CCDC171: variants seen among roughly 807,000 people sequenced by gnomAD.
CCDC171 encodes the protein coiled-coil domain-containing protein 171.
A neutral mutation model predicts 168.2 loss-of-function variants in CCDC171; 177 were observed. That is an observed-to-expected ratio of 1.05 (90% CI 0.93 to 1.19). The LOEUF (loss-of-function observed/expected upper bound fraction) is 1.19. Among genes scored for constraint, CCDC171 ranks in the 50% most tolerant of loss-of-function variants. The pLI is 0.00. For missense variants in CCDC171, 1,991 were observed against 1,539.0 expected, an observed-to-expected ratio of 1.29 and a Z score of -4.91; for synonymous variants, 687 against 540.8, an observed-to-expected ratio of 1.27 and a Z score of -3.75.
Position 15,695,298 on chromosome 9 carries a change from A to C in CCDC171, c.1279A>C (p.Ile427Leu). Residue 427 changes from isoleucine to leucine, a missense_variant, in exon 11 of 26, where the codon ATC (isoleucine) becomes CTC (leucine). Ile to Leu is a conservative substitution (Grantham distance 5). Coordinates refer to ENST00000380701, the MANE Select transcript of CCDC171 (RefSeq NM_173550.4). ...AAATAACGTGAAAGAATTGGAATCG[A>C]TCTTGGACAGCTTTACTGTGTCGGG... ...CENNVKELES[I>L]LDSFTVSGQW... 6.2e-7 allele frequency: 1 copy of C among 1,614,134 alleles called. No homozygotes were observed. Among genetic ancestry groups the C allele is most frequent in the Non-Finnish European group, 8.5e-7 (1 of 1,179,986 alleles).
intron 6 of CCDC171, among the ~76,000 whole-genome samples, chr9:15,598,855 T>TA (rs1181213333): frequency 6.6e-6 from 1 of 152,202 alleles, no homozygotes; most frequent in East Asian, 1.9e-4. Flanking sequence ...CATATATATT[T>TA]AGGATAGTTA....
intron 24 of CCDC171, among the ~76,000 whole-genome samples, chr9:15,885,329 T>G (rs1819243857): frequency 1.3e-5 from 2 of 152,226 alleles, no homozygotes; most frequent in Admixed American, 1.3e-4. Flanking sequence ...ATAATTTCTT[T>G]GTCATTAATG....
chr9:15,610,134 CTTAAT>C (rs1056275131), intron 6 of CCDC171, among the ~76,000 whole-genome samples: 18 of 151,740 alleles, frequency 1.2e-4, no homozygotes, highest in African/African-American at 4.4e-4. Flanking sequence ...TTTGTAATGT[CTTAAT>C]TTAACTCTTT....
intron 21 of CCDC171, among the ~76,000 whole-genome samples, chr9:15,791,896 A>C (rs538964946): frequency 1.1e-4 from 17 of 152,324 alleles, no homozygotes; most frequent in Admixed American, 2.6e-4. Context: ...GAAAAGCTGA[A>C]AATTCTAAAA....
At chr9:15,574,434 C>T (rs1273738702) in intron 3 of CCDC171, among the ~76,000 whole-genome samples, 4 of 151,896 alleles carry the variant, frequency 2.6e-5, no homozygotes, top group African/African-American at 9.7e-5. Context: ...TGAGCCACCG[C>T]GCCTGGCCAA....
intron 6 of CCDC171, among the ~76,000 whole-genome samples, chr9:15,604,226 T>A (rs564009679): frequency 1.2e-4 from 19 of 152,322 alleles, no homozygotes; most frequent in African/African-American, 4.6e-4. Context: ...ATAGTTTATT[T>A]TGCTGTGCAG....
At position 16,023,945 on chromosome 9, in the gene CCDC171, T is replaced by G. The variant is rs902885936; in HGVS notation, n.998+1037T>G. 3.3e-5 allele frequency among the ~76,000 whole-genome samples: 5 copies of G among 149,932 alleles called. No individual in the cohort carries two copies. In the Middle Eastern group the frequency reaches 0.01, roughly 306 times the overall value. ...GAATCTTGACATGGGGAGATTATCC[T>G]GGAATATGTGTGTGGCTCTAATGTA... On this transcript the variant is annotated intron_variant and non_coding_transcript_variant, in intron 6 of 9. Coordinates refer to the CCDC171 transcript ENST00000486641.
At chr9:15,904,869 A>G (rs2131698380) in intron 24 of CCDC171, among the ~76,000 whole-genome samples, 1 of 151,900 alleles carries the variant, frequency 6.6e-6, no homozygotes, top group South Asian at 2.1e-4. Flanking sequence ...AGGGGTTGCA[A>G]TCCTAGTCTC....
chr9:15,988,045 C>T (rs1483211062), intron 3 of CCDC171, among the ~76,000 whole-genome samples: 1 of 152,112 alleles, frequency 6.6e-6, no homozygotes, highest in African/African-American at 2.4e-5. Context: ...GTAAACAATC[C>T]TTTTGTTATA....
At chr9:15,659,255 G>C (rs2048147524) in intron 8 of CCDC171, among the ~76,000 whole-genome samples, 1 of 152,204 alleles carries the variant, frequency 6.6e-6, no homozygotes, top group Non-Finnish European at 1.5e-5. Flanking sequence ...GGATCAGCCA[G>C]TTTCCCAGGT....
intron 24 of CCDC171, 138 bp from the exon 25 acceptor site, chr9:15,920,132 G>C (rs1438314076): frequency 1.0e-5 from 5 of 497,810 alleles, no homozygotes; most frequent in African/African-American, 2.0e-5. Flanking sequence ...AAAATGTTAG[G>C]TTTAGCTTTA....
At chr9:16,080,287 A>G in the CCDC171 span, among the ~76,000 whole-genome samples, 2,536 of 152,198 alleles carry the variant, frequency 0.017, 85 homozygotes, top group African/African-American at 0.059. Context: ...AGTGATCGCT[A>G]ATCATTTTAT....
chr9:15,752,005 A>T (rs957781143), intron 18 of CCDC171, among the ~76,000 whole-genome samples: 1 of 152,236 alleles, frequency 6.6e-6, no homozygotes, highest in Non-Finnish European at 1.5e-5. Context: ...TTTGCAATTT[A>T]TCCATCTGAC....
chr9:15,578,408 T>TATC, intron 3 of CCDC171, among the ~76,000 whole-genome samples: 1 of 3,500 alleles, frequency 2.9e-4, no homozygotes. Flanking sequence ...TTAATTTTTG[T>TATC]ATTATTATTA....
intron 1 of CCDC171, among the ~76,000 whole-genome samples, chr9:16,052,957 T>C (rs779234047): frequency 1.3e-5 from 2 of 152,058 alleles, no homozygotes; most frequent in East Asian, 1.9e-4. Context: ...TGCTGACAGA[T>C]GGACTTCCGC....
rs777476917 is a variant in CCDC171 at position 15,666,306 on chromosome 9, C to A, written c.1059C>A (p.Ser353Arg). 1.2e-6 allele frequency: 2 copies of A among 1,605,420 alleles called. No homozygotes were observed. The highest frequency in any genetic ancestry group is 2.7e-5 in the African/African-American group (2 of 74,502). Reference protein sequence around the residue: ...YEREKHNAQESFAKLNLLEKE... With the variant: ...YEREKHNAQERFAKLNLLEKE... ...GAGAAAAGCATAATGCACAAGAGAGCTTTGCAAAACTAAATTTGTAAGTAT... is the reference window on the plus strand; with the variant it reads ...GAGAAAAGCATAATGCACAAGAGAGATTTGCAAAACTAAATTTGTAAGTAT... Residue 353 changes from serine (S) to arginine (R), a missense_variant, in exon 9 of 26, where the codon AGC becomes AGA. Coordinates refer to ENST00000380701, the MANE Select transcript of CCDC171 (RefSeq NM_173550.4).
chr9:15,980,767 C>G (rs2132867936), intron 3 of CCDC171, among the ~76,000 whole-genome samples: 1 of 149,858 alleles, frequency 6.7e-6, no homozygotes, highest in East Asian at 2.0e-4. Context: ...ATAACTATTT[C>G]AAAGCACCTG....
At chr9:15,637,951 A>G (rs909599578) in intron 7 of CCDC171, among the ~76,000 whole-genome samples, 6 of 152,036 alleles carry the variant, frequency 3.9e-5, no homozygotes, top group African/African-American at 7.2e-5. Flanking sequence ...TGTCTTTATA[A>G]CAGCATGATT....
At chr9:15,904,852 A>T (rs1168648001) in intron 24 of CCDC171, among the ~76,000 whole-genome samples, 1 of 152,004 alleles carries the variant, frequency 6.6e-6, no homozygotes, top group East Asian at 1.9e-4. Flanking sequence ...GGAAAACAAA[A>T]AAAGGCAGGG....
Sources: gnomAD v4.1 joint callset for allele counts (sites outside exome capture counted in the v4.1 genomes callset) on GRCh38, gnomAD v4.1.1 for gene constraint, MANE v1.5 for transcripts, NCBI Gene and HGNC (gene_info 2026-07-23, HGNC 2026-07-21) for gene names.